RIPOR2: variants seen among roughly 807,000 people sequenced by gnomAD.
The protein encoded by RIPOR2 is RHO family interacting cell polarization regulator 2.
RIPOR2 carries 39 observed loss-of-function variants against 114.5 expected under a neutral mutation model. The observed-to-expected ratio is 0.34, with a 90% CI of 0.26 to 0.44. The LOEUF (loss-of-function observed/expected upper bound fraction) is 0.44. Ranked by LOEUF, RIPOR2 falls within the 20% of genes least tolerant of loss-of-function variation. The pLI is 1.00. For synonymous variants in RIPOR2, 445 were observed against 484.4 expected (o/e 0.92, Z 1.07); for missense variants, 1,007 against 1,255.1 (o/e 0.80, Z 2.99).
intron 18 of RIPOR2, among the ~76,000 whole-genome samples, chr6:24,827,341 G>A (rs1467201336): frequency 6.6e-6 from 1 of 152,188 alleles, no homozygotes; most frequent in African/African-American, 2.4e-5. Context: ...TGCTGACTGT[G>A]TTGTTGCAGG....
chr6:24,847,479 T>C, intron 12 of RIPOR2: 1 of 1,495,964 alleles, frequency 6.7e-7, no homozygotes, highest in Non-Finnish European at 9.1e-7. Flanking sequence ...AGAGACATGC[T>C]AAGTCACACA....
intron 19 of RIPOR2, among the ~76,000 whole-genome samples, chr6:24,821,567 C>G (rs1331374339): frequency 1.3e-5 from 2 of 152,332 alleles, no homozygotes; most frequent in East Asian, 3.9e-4. Flanking sequence ...AGAACAAAAG[C>G]AGTAACAGTA....
chr6:24,905,837 G>A (rs1182271871), intron 1 of RIPOR2, among the ~76,000 whole-genome samples: 2 of 152,146 alleles, frequency 1.3e-5, no homozygotes, highest in Non-Finnish European at 2.9e-5. Context: ...TCCTGCCCTT[G>A]CCTTCCTTCC....
chr6:24,873,780 T>A lies in RIPOR2; in HGVS notation c.208A>T (p.Asn70Tyr), dbSNP rs1322913069. The change falls in exon 3 of 22, where the codon AAT (asparagine) becomes TAT (tyrosine). Residue 70 changes from asparagine (N) to tyrosine (Y), a missense_variant. Physicochemically the swap from Asn to Tyr is moderately radical, Grantham distance 143. Transcript: ENST00000643898. ...TGAGGCTTCTTGAGAGCGGAGGAAT[T>A]TTCAATGAAGGAGTTACACCTATGG... Reference protein sequence around the residue: ...RRSRCNSFIENSSALKKPQAK... With the variant: ...RRSRCNSFIEYSSALKKPQAK... 6.2e-7 allele frequency: 1 copy of A among 1,611,680 alleles called. No homozygotes were observed. The highest frequency in any genetic ancestry group is 8.5e-7 in the Non-Finnish European group (1 of 1,179,384).
rs1771771725 is a variant in RIPOR2 at position 24,935,854 on chromosome 6, A to G, written c.45T>C (p.Asp15=). The G allele has an allele frequency of 3.3e-6, 5 of 1,535,404 alleles. No homozygotes were observed. In the East Asian group the frequency reaches 1.2e-4, roughly 38 times the overall value. ...TGCATTTACCTTCACCAAAAACATCATCCTCTTCATCGACCAGGAGCTCCT... is the reference window on the plus strand; with the variant it reads ...TGCATTTACCTTCACCAAAAACATCGTCCTCTTCATCGACCAGGAGCTCCT... The part of the protein sequence containing the change: ...DAEELLVDEE[D]DVFGEGLPTR... Residue 15 remains aspartate, a synonymous_variant, in exon 1 of 22, where the codon GAT becomes GAC. Transcript: ENST00000643898.
At chr6:24,939,118 T>G (rs758750330), upstream of RIPOR2, among the ~76,000 whole-genome samples, 52 of 152,316 alleles carry the variant, frequency 3.4e-4, no homozygotes, top group Middle Eastern at 3.4e-3. Flanking sequence ...ATTTATTATC[T>G]CTATTTTAGT....
At chr6:24,954,456 C>T (rs681905) in intron 1 of RIPOR2, among the ~76,000 whole-genome samples, 102,299 of 132,214 alleles carry the variant, frequency 0.77, 40,148 homozygotes, top group African/African-American at 0.81. Flanking sequence ...TCTCTCTCTC[C>T]TTTTTTTTTT....
rs1484630364 is a variant in RIPOR2 at position 25,037,464 on chromosome 6, C to T, written c.76+4387G>A. On this transcript the variant is annotated intron_variant, in intron 1 of 13. Transcript: ENST00000510784. This position sits in a 1 kb window ranked among gnomAD's most constrained non-coding sequence, Gnocchi z 4.5. ...TTGCTGTGTCTATACTCCTCTTTAC[C>T]TGGGCAGGTCACAGGTAAGCAGCTT... Among the ~76,000 whole-genome samples the T allele has an allele frequency of 6.6e-6, 1 of 152,140 alleles. No homozygotes were observed. The highest frequency in any genetic ancestry group is 1.5e-5 in the Non-Finnish European group (1 of 68,026).
chr6:24,924,009 C>T (rs1165964759), intron 1 of RIPOR2, among the ~76,000 whole-genome samples: 1 of 152,158 alleles, frequency 6.6e-6, no homozygotes, highest in Non-Finnish European at 1.5e-5. Flanking sequence ...GCTTTTAGCG[C>T]TCTCCTGTCG....
intron 15 of RIPOR2, among the ~76,000 whole-genome samples, chr6:24,832,846 A>G (rs1760790798): frequency 6.6e-6 from 1 of 152,230 alleles, no homozygotes; most frequent in African/African-American, 2.4e-5. Context: ...GAGAATTACA[A>G]TCAGAGCTGT....
At chr6:24,846,564 A>C (rs145224329) in intron 12 of RIPOR2, among the ~76,000 whole-genome samples, 3,290 of 152,048 alleles carry the variant, frequency 0.022, 127 homozygotes, top group African/African-American at 0.072. Flanking sequence ...CCTTGGCCTC[A>C]CAAGGTGCTG....
rs532451961 is a variant in RIPOR2, at chr6:24,883,632, A to T, written c.62-7815T>A. Among the ~76,000 whole-genome samples, 5 of 152,114 alleles carry T rather than the reference A, an allele frequency of 3.3e-5. No individual in the cohort carries two copies. Among genetic ancestry groups the T allele is most frequent in the East Asian group, 3.8e-4 (2 of 5,202 alleles). ...GAATTGTACATCAATAAAGCTGTTT[A>T]AAAAAAATCACTACCAATTTCTAGA... On this transcript the variant is annotated intron_variant, in intron 1 of 21. Transcript: ENST00000643898. This position sits in a 1 kb window ranked among gnomAD's most constrained non-coding sequence, Gnocchi z 4.1.
At chr6:24,982,927 T>TC (rs1774360950) in intron 1 of RIPOR2, among the ~76,000 whole-genome samples, 1 of 152,182 alleles carries the variant, frequency 6.6e-6, no homozygotes, top group Non-Finnish European at 1.5e-5. Flanking sequence ...CTCATTGTCT[T>TC]CATGTTTCTG....
At chr6:24,944,949 C>T (rs1772332265) in intron 1 of RIPOR2, among the ~76,000 whole-genome samples, 1 of 151,770 alleles carries the variant, frequency 6.6e-6, no homozygotes, top group Admixed American at 6.6e-5. Context: ...TTTGACAGTA[C>T]AGTAGGGAAA....
chr6:24,832,482 A>T (rs1760766170), intron 15 of RIPOR2, 91 bp from the exon 16 acceptor site: 2 of 1,140,720 alleles, frequency 1.8e-6, no homozygotes, highest in Non-Finnish European at 2.5e-6. Flanking sequence ...TGTGGTGATG[A>T]TACTAAATAA....
At chr6:24,973,254 T>G (rs1773872789) in intron 1 of RIPOR2, among the ~76,000 whole-genome samples, 1 of 152,182 alleles carries the variant, frequency 6.6e-6, no homozygotes. Context: ...TCTCAAAGAA[T>G]GTAGAACAAC....
At chr6:24,837,766 C>T (rs996123794) in intron 14 of RIPOR2, among the ~76,000 whole-genome samples, 1 of 151,970 alleles carries the variant, frequency 6.6e-6, no homozygotes, top group African/African-American at 2.4e-5. Flanking sequence ...TGCCATGTCC[C>T]CAGATTGCTT....
intron 16 of RIPOR2, among the ~76,000 whole-genome samples, chr6:24,831,922 G>C (rs1415029735): frequency 6.6e-6 from 1 of 152,134 alleles, no homozygotes; most frequent in African/African-American, 2.4e-5. Flanking sequence ...CCACCTCCAG[G>C]GTGCAAGAGC....
intron 7 of RIPOR2, among the ~76,000 whole-genome samples, chr6:24,861,544 T>C (rs1327361939): frequency 1.3e-5 from 2 of 152,214 alleles, no homozygotes; most frequent in Non-Finnish European, 2.9e-5. Flanking sequence ...GTTGTAGTAA[T>C]GGTATGTGGT....
Sources: gnomAD v4.1 joint callset for allele counts (sites outside exome capture counted in the v4.1 genomes callset) on GRCh38, gnomAD v4.1.1 for gene constraint, Gnocchi (gnomAD v3.1) non-coding constraint, MANE v1.5 for transcripts, NCBI Gene and HGNC (gene_info 2026-07-23, HGNC 2026-07-21) for gene names.